The following KCNIP1 variants were observed in gnomAD, a reference collection of about 807,000 sequenced individuals.
KCNIP1 encodes the protein potassium voltage-gated channel interacting protein 1.
A neutral mutation model predicts 33.0 loss-of-function variants in KCNIP1; 18 were observed. The observed-to-expected ratio is 0.55, with a 90% CI of 0.38 to 0.81. KCNIP1 has a LOEUF of 0.81. Among genes scored for constraint, KCNIP1 ranks in the 30% least tolerant of loss-of-function variants. The pLI, the probability that KCNIP1 is intolerant of heterozygous loss-of-function variation, is 0.00. For synonymous variants in KCNIP1, 93 were observed against 98.3 expected, an observed-to-expected ratio of 0.95 and a Z score of 0.32; for missense variants, 238 against 271.6, an observed-to-expected ratio of 0.88 and a Z score of 0.87.
At chr5:170,445,301 G>A (rs561128503) in intron 1 of KCNIP1, among the ~76,000 whole-genome samples, 16 of 134,830 alleles carry the variant, frequency 1.2e-4, no homozygotes, top group South Asian at 2.6e-4. Context: ...ATGCTCATTC[G>A]TTGAATGAAT....
At chr5:170,430,720 A>C (rs762061322) in intron 1 of KCNIP1, among the ~76,000 whole-genome samples, 1 of 152,152 alleles carries the variant, frequency 6.6e-6, no homozygotes, top group Non-Finnish European at 1.5e-5. Flanking sequence ...GCTGGGAAAG[A>C]GTTGTCATGG....
chr5:170,354,138 C>T (rs970019929), intron 1 of KCNIP1, among the ~76,000 whole-genome samples: 3 of 152,060 alleles, frequency 2.0e-5, no homozygotes, highest in African/African-American at 7.2e-5. Flanking sequence ...TTTGAGTAGG[C>T]GGGCACCCAG....
At position 170,542,668 on chromosome 5, in the gene KCNIP1, C is replaced by G. The variant is rs1054362098; in HGVS notation, c.61+38035C>G. 2.6e-5 allele frequency among the ~76,000 whole-genome samples: 4 copies of G among 152,116 alleles called. No individual in the cohort carries two copies. In the East Asian group the frequency reaches 7.7e-4, roughly 29 times the overall value. On this transcript the variant is annotated intron_variant, in intron 1 of 7. Coordinates refer to ENST00000328939, the MANE Select transcript of KCNIP1 (RefSeq NM_014592.4). ...CTATATGTACTATGTTTTTCCTATA[C>G]TTATATACCTATGATAAAGGCTAAT...
intron 1 of KCNIP1, among the ~76,000 whole-genome samples, chr5:170,667,595 G>A (rs1761755611): frequency 6.6e-6 from 1 of 152,228 alleles, no homozygotes; most frequent in Non-Finnish European, 1.5e-5. Context: ...CTGAGGGGCA[G>A]TATTGCATTG....
At chr5:170,385,580 G>A (rs1193396384) in intron 1 of KCNIP1, 3 of 1,027,066 alleles carry the variant, frequency 2.9e-6, no homozygotes, top group East Asian at 2.6e-5. Flanking sequence ...TATCACTCTT[G>A]TTTATATTTG....
At chr5:170,686,862 A>G (rs1256753908) in intron 1 of KCNIP1, among the ~76,000 whole-genome samples, 1 of 152,172 alleles carries the variant, frequency 6.6e-6, no homozygotes, top group Non-Finnish European at 1.5e-5. Context: ...CCTCAAGGCA[A>G]TATCCAAGGA....
intron 1 of KCNIP1, among the ~76,000 whole-genome samples, chr5:170,554,626 A>G (rs1756774929): frequency 6.6e-6 from 1 of 152,332 alleles, no homozygotes; most frequent in South Asian, 2.1e-4. Context: ...TTCACCAGCC[A>G]TGGCCAGACT....
At chr5:170,477,644 G>T (rs771327311) in intron 1 of KCNIP1, among the ~76,000 whole-genome samples, 1 of 152,060 alleles carries the variant, frequency 6.6e-6, no homozygotes, top group Non-Finnish European at 1.5e-5. Context: ...CAGTTTCACC[G>T]TGTGGGCCAG....
intron 1 of KCNIP1, among the ~76,000 whole-genome samples, chr5:170,713,184 G>C (rs329476): frequency 2.0e-5 from 3 of 152,100 alleles, no homozygotes; most frequent in Non-Finnish European, 4.4e-5. Flanking sequence ...CTGGATTTCT[G>C]TGTTCTCTTT....
intron 1 of KCNIP1, among the ~76,000 whole-genome samples, chr5:170,360,286 C>A (rs1763470245): frequency 6.6e-6 from 1 of 152,222 alleles, no homozygotes. Context: ...TGGAAGGAAG[C>A]AGGATGCAGG....
At chr5:170,605,838 G>A (rs903496682) in intron 1 of KCNIP1, among the ~76,000 whole-genome samples, 6 of 141,362 alleles carry the variant, frequency 4.2e-5, no homozygotes, top group South Asian at 2.3e-4. Flanking sequence ...GCAGTGGCAC[G>A]ACCTCAGCTC....
chr5:170,513,205 A>G (rs1003099111), intron 1 of KCNIP1, among the ~76,000 whole-genome samples: 13 of 152,218 alleles, frequency 8.5e-5, no homozygotes, highest in Non-Finnish European at 1.5e-4. Context: ...ACACAAAATT[A>G]TATATCAAGC....
intron 1 of KCNIP1, among the ~76,000 whole-genome samples, chr5:170,607,242 T>C (rs1188218675): frequency 6.6e-6 from 1 of 152,204 alleles, no homozygotes; most frequent in African/African-American, 2.4e-5. Flanking sequence ...CCTCCAGTGC[T>C]TCCATTTTCT....
intron 1 of KCNIP1, among the ~76,000 whole-genome samples, chr5:170,360,875 G>A (rs1489910863): frequency 6.6e-6 from 1 of 152,224 alleles, no homozygotes; most frequent in Non-Finnish European, 1.5e-5. Flanking sequence ...TCCCTGCCGA[G>A]CAACATCAGG....
chr5:170,670,755 T>A (rs1761886559), intron 1 of KCNIP1, among the ~76,000 whole-genome samples: 1 of 151,938 alleles, frequency 6.6e-6, no homozygotes, highest in African/African-American at 2.4e-5. Context: ...TAGCCAGGTG[T>A]GGTGATGCAG....
At chr5:170,585,173 G>T (rs1037140582) in intron 1 of KCNIP1, among the ~76,000 whole-genome samples, 8 of 152,176 alleles carry the variant, frequency 5.3e-5, no homozygotes, top group Non-Finnish European at 7.4e-5. Context: ...AAAAATCTGA[G>T]TTGAAAGCTT....
At chr5:170,647,639 T>C (rs1251399970) in intron 1 of KCNIP1, among the ~76,000 whole-genome samples, 2 of 146,702 alleles carry the variant, frequency 1.4e-5, no homozygotes, top group East Asian at 2.0e-4. Flanking sequence ...AAATGGGTAA[T>C]AGATCTAAAT....
intron 1 of KCNIP1, among the ~76,000 whole-genome samples, chr5:170,425,709 G>A (rs891005627): frequency 2.0e-5 from 3 of 152,148 alleles, no homozygotes; most frequent in African/African-American, 4.8e-5. Flanking sequence ...CCTCTGCCAC[G>A]GAAGCCTCTG....
intron 1 of KCNIP1, among the ~76,000 whole-genome samples, chr5:170,632,841 A>G (rs1014927986): frequency 6.6e-6 from 1 of 152,194 alleles, no homozygotes; most frequent in Non-Finnish European, 1.5e-5. Flanking sequence ...GTAAGTGGGA[A>G]CGCTAATGCT....
Sources: allele counts gnomAD v4.1 joint callset (sites outside exome capture counted in the v4.1 genomes callset), GRCh38; gene constraint gnomAD v4.1.1; transcripts MANE v1.5; gene names NCBI Gene and HGNC (gene_info 2026-07-23, HGNC 2026-07-21).